LEPR: variants seen among roughly 807,000 people sequenced by gnomAD.
The protein encoded by LEPR is leptin receptor, also known as OB receptor.
LEPR carries 56 observed loss-of-function variants against 114.7 expected under a neutral mutation model. The ratio of observed to expected loss-of-function variants is 0.49; its 90% CI spans 0.39 to 0.61. The LOEUF (loss-of-function observed/expected upper bound fraction) is 0.61. Ranked by LOEUF, LEPR falls within the 20% of genes least tolerant of loss-of-function variation. The pLI is 0.00. For synonymous variants in LEPR, 443 were observed against 461.4 expected, an observed-to-expected ratio of 0.96 and a Z score of 0.51; for missense variants, 1,202 against 1,352.9, an observed-to-expected ratio of 0.89 and a Z score of 1.75.
intron 2 of LEPR, among the ~76,000 whole-genome samples, chr1:65,537,783 A>G (rs1204611442): frequency 1.3e-5 from 2 of 152,094 alleles, no homozygotes; most frequent in African/African-American, 4.8e-5. Flanking sequence ...TAAATTTTGT[A>G]TTTTTGTCTA....
chr1:65,424,172 C>T (rs760163868), intron 1 of LEPR, among the ~76,000 whole-genome samples: 38 of 152,188 alleles, frequency 2.5e-4, no homozygotes, highest in Admixed American at 5.2e-4. Flanking sequence ...AGGGCAAATA[C>T]GTTCCTACTC....
rs1410166531 is a variant in LEPR, at chr1:65,458,835, G to GT, written c.-21+33458dup. 3.3e-5 allele frequency among the ~76,000 whole-genome samples: 5 copies of GT among 151,900 alleles called. No individual in the cohort carries two copies. The South Asian group carries it at 8.3e-4, about 25-fold the overall frequency. On this transcript the variant is annotated intron_variant, in intron 2 of 19. Coordinates refer to ENST00000349533, the MANE Select transcript of LEPR (RefSeq NM_002303.6). ...CCCATTATACCTTTATTATCCTTCTGTAAGTGTTCCACAGTTCTTGGATAT... is the reference window on the plus strand; with the variant it reads ...CCCATTATACCTTTATTATCCTTCTGTTAAGTGTTCCACAGTTCTTGGATAT...
intron 2 of LEPR, among the ~76,000 whole-genome samples, chr1:65,484,826 AC>A (rs1361962629): frequency 2.0e-5 from 3 of 152,224 alleles, no homozygotes; most frequent in African/African-American, 7.2e-5. Flanking sequence ...AATATGGTTT[AC>A]TAGAATCTGA....
intron 5 of LEPR, among the ~76,000 whole-genome samples, chr1:65,582,323 C>G (rs189461424): frequency 4.4e-4 from 67 of 152,264 alleles, no homozygotes; most frequent in African/African-American, 1.5e-3. Flanking sequence ...GTGTCAGCCA[C>G]CAGGACTGCA....
intron 19 of LEPR, among the ~76,000 whole-genome samples, chr1:65,627,171 C>G (rs1315476654): frequency 6.6e-6 from 1 of 152,184 alleles, no homozygotes; most frequent in African/African-American, 2.4e-5. Flanking sequence ...CCAGATCTAT[C>G]TGACTCAAAT....
chr1:65,616,445 T>C (rs1657528581), intron 15 of LEPR, among the ~76,000 whole-genome samples: 2 of 152,152 alleles, frequency 1.3e-5, no homozygotes, highest in African/African-American at 4.8e-5. Context: ...ATTGTTGTAA[T>C]GGTGTTATAA....
At chr1:65,506,650 T>C (rs1160181481) in intron 2 of LEPR, among the ~76,000 whole-genome samples, 1 of 152,192 alleles carries the variant, frequency 6.6e-6, no homozygotes, top group Non-Finnish European at 1.5e-5. Flanking sequence ...CTCCAAATTC[T>C]AGTTTATTTT....
chr1:65,613,423 A>G (rs1657302038), intron 14 of LEPR, among the ~76,000 whole-genome samples: 1 of 152,160 alleles, frequency 6.6e-6, no homozygotes, highest in South Asian at 2.1e-4. Context: ...CACATCTGAT[A>G]AAGGACTTAT....
chr1:65,425,336 G>A lies in LEPR; in HGVS notation c.-63G>A, dbSNP rs762317159. On this transcript the variant is annotated 5_prime_UTR_variant, in exon 2 of 20. Coordinates refer to ENST00000349533, the MANE Select transcript of LEPR (RefSeq NM_002303.6). ...GCATTATCCTTCAGTGGGGCTATTGGACTGACTTTTCTTATGCTGGGATGT... is the reference window on the plus strand; with the variant it reads ...GCATTATCCTTCAGTGGGGCTATTGAACTGACTTTTCTTATGCTGGGATGT... 6.2e-7 allele frequency: 1 copy of A among 1,607,836 alleles called. No homozygotes were observed. Among genetic ancestry groups the A allele is most frequent in the Non-Finnish European group, 8.5e-7 (1 of 1,178,672 alleles).
intron 2 of LEPR, among the ~76,000 whole-genome samples, chr1:65,469,317 G>A (rs1273957333): frequency 6.6e-6 from 1 of 152,206 alleles, no homozygotes; most frequent in Non-Finnish European, 1.5e-5. Flanking sequence ...TGAGGACAAT[G>A]TGGAGAACAA....
At chr1:65,468,692 C>T (rs1194335463) in intron 2 of LEPR, among the ~76,000 whole-genome samples, 3 of 152,182 alleles carry the variant, frequency 2.0e-5, no homozygotes, top group Non-Finnish European at 2.9e-5. Context: ...CTTGGAGGAG[C>T]TATAGCTCTA....
intron 1 of LEPR, among the ~76,000 whole-genome samples, chr1:65,421,713 G>A (rs1292486974): frequency 6.6e-6 from 1 of 152,146 alleles, no homozygotes; most frequent in Non-Finnish European, 1.5e-5. Context: ...AGTAAACATG[G>A]TTTACTTGGA....
intron 1 of LEPR, chr1:65,421,240 G>GGA: frequency 7.3e-7 from 1 of 1,379,280 alleles, no homozygotes; most frequent in Non-Finnish European, 9.5e-7. Flanking sequence ...AAAGCACCCA[G>GGA]AAAGACGGTG....
chr1:65,526,978 C>T (rs995135226), intron 2 of LEPR, among the ~76,000 whole-genome samples: 1 of 152,154 alleles, frequency 6.6e-6, no homozygotes, highest in Non-Finnish European at 1.5e-5. Flanking sequence ...GTATAAAGAG[C>T]TCAGAAACAT....
intron 5 of LEPR, among the ~76,000 whole-genome samples, chr1:65,581,745 A>C (rs992962006): frequency 6.6e-6 from 1 of 152,142 alleles, no homozygotes; most frequent in Non-Finnish European, 1.5e-5. Context: ...CCTTTCTTCA[A>C]TGTATATCTC....
intron 3 of LEPR, among the ~76,000 whole-genome samples, chr1:65,569,399 T>G (rs1391456273): frequency 6.6e-6 from 1 of 152,208 alleles, no homozygotes; most frequent in Non-Finnish European, 1.5e-5. Flanking sequence ...TATTTTATTT[T>G]CAAACAAATA....
Position 65,633,439 on chromosome 1 carries a change from G to T in LEPR, c.2674-2752G>T. The T allele has an allele frequency of 7.9e-7, 1 of 1,267,932 alleles. No homozygotes were observed. Among genetic ancestry groups the T allele is most frequent in the South Asian group, 2.6e-5 (1 of 37,740 alleles). 78.5% of individuals were successfully genotyped at this position (1,267,932 alleles called of 1,614,324 possible). A position where few individuals can be genotyped will look rare whatever the true frequency, so the allele number is the denominator to read the frequency against. Reference sequence around the variant, plus strand: ...TTTAAAAGTAGTATTCATGATTTCTGGCTTTTGATTTGTCATATTCCTGGT... The same window carrying T: ...TTTAAAAGTAGTATTCATGATTTCTTGCTTTTGATTTGTCATATTCCTGGT... On this transcript the variant is annotated intron_variant, in intron 19 of 19. Transcript: ENST00000349533. This position sits in a 1 kb window ranked among gnomAD's most constrained non-coding sequence, Gnocchi z 4.1.
intron 16 of LEPR, among the ~76,000 whole-genome samples, chr1:65,618,844 A>G (rs971577945): frequency 6.6e-6 from 1 of 152,012 alleles, no homozygotes; most frequent in East Asian, 1.9e-4. Flanking sequence ...TTCTTAAATC[A>G]TTTTTTAACA....
Position 65,593,193 on chromosome 1 carries a change from T to A in LEPR, c.703+328T>A, listed in dbSNP as rs1279867489. Among the ~76,000 whole-genome samples the A allele has an allele frequency of 2.6e-5, 4 of 152,178 alleles. No homozygotes were observed. The East Asian group carries it at 7.7e-4, about 29-fold the overall frequency. On this transcript the variant is annotated intron_variant, in intron 6 of 19. Coordinates refer to ENST00000349533, the MANE Select transcript of LEPR (RefSeq NM_002303.6). Reference sequence around the variant, plus strand: ...TAGTAGCATGTTTCTTGCCTGAATTTATTCCTTCAATAAATATTTCTTAGA... The same window carrying A: ...TAGTAGCATGTTTCTTGCCTGAATTAATTCCTTCAATAAATATTTCTTAGA...
Sources: allele counts gnomAD v4.1 joint callset (sites outside exome capture counted in the v4.1 genomes callset), GRCh38; gene constraint gnomAD v4.1.1; non-coding constraint Gnocchi (gnomAD v3.1); transcripts MANE v1.5; gene names NCBI Gene and HGNC (gene_info 2026-07-23, HGNC 2026-07-21).